Variants in VTI1A observed in about 807,000 individuals in gnomAD.
The protein encoded by VTI1A is vesicle transport through interaction with t-SNAREs 1A.
In VTI1A, 22 loss-of-function variants were observed where a neutral mutation model predicts 34.9. The observed-to-expected ratio is 0.63, with a 90% confidence interval of 0.45 to 0.90. VTI1A has a LOEUF of 0.90. Among genes scored for constraint, VTI1A ranks in the 40% least tolerant of loss-of-function variants. The pLI, the probability that VTI1A is intolerant of heterozygous loss-of-function variation, is 0.00. For synonymous variants in VTI1A, 87 were observed against 97.3 expected, an observed-to-expected ratio of 0.89 and a Z score of 0.62; for missense variants, 268 against 275.6, an observed-to-expected ratio of 0.97 and a Z score of 0.20.
the VTI1A span, among the ~76,000 whole-genome samples, chr10:112,846,340 T>C: frequency 2.0e-5 from 3 of 152,298 alleles, no homozygotes; most frequent in African/African-American, 7.2e-5. Context: ...GTGCACAAGC[T>C]GGACAGGCGG....
chr10:112,478,907 G>A lies in VTI1A; in HGVS notation c.264+14250G>A, dbSNP rs183970835. 8.3e-3 allele frequency among the ~76,000 whole-genome samples: 1,269 copies of A among 152,172 alleles called. 19 individuals carry two copies. The highest frequency in any genetic ancestry group is 0.029 in the African/African-American group (1,215 of 41,520). ...CTATTGGCCGGGCGCGGTGGTTCAC[G>A]CCTGTAATCCCAGCACTTTGGGAGG... On this transcript the variant is annotated intron_variant, in intron 3 of 7. Transcript: ENST00000393077.
At chr10:112,524,694 T>A (rs980945229) in intron 3 of VTI1A, among the ~76,000 whole-genome samples, 1 of 152,052 alleles carries the variant, frequency 6.6e-6, no homozygotes, top group African/African-American at 2.4e-5. Flanking sequence ...AAAATAAGAG[T>A]ATAATGTAAT....
intron 5 of VTI1A, among the ~76,000 whole-genome samples, chr10:112,620,798 AAAAAAG>A (rs1383962553): frequency 1.3e-5 from 2 of 151,934 alleles, no homozygotes; most frequent in East Asian, 1.9e-4. Flanking sequence ...CTCAAAAAAA[AAAAAAG>A]AAAAGAAAAG....
chr10:112,502,791 T>C (rs1271909213), intron 3 of VTI1A, among the ~76,000 whole-genome samples: 1 of 152,236 alleles, frequency 6.6e-6, no homozygotes, highest in Non-Finnish European at 1.5e-5. Flanking sequence ...ACTCTAACCC[T>C]ATATAACCCT....
chr10:112,601,476 A>G (rs1844874813), intron 5 of VTI1A, among the ~76,000 whole-genome samples: 1 of 150,562 alleles, frequency 6.6e-6, no homozygotes, highest in South Asian at 2.1e-4. Context: ...ATCTTTTGTA[A>G]ATGTGTCTGG....
chr10:112,518,651 GTA>G (rs36060655), intron 3 of VTI1A, among the ~76,000 whole-genome samples: 42,879 of 133,928 alleles, frequency 0.32, 8,510 homozygotes, highest in Non-Finnish European at 0.46. Flanking sequence ...GTATATACGT[GTA>G]TATATATATA....
chr10:112,836,524 C>T, the VTI1A span, among the ~76,000 whole-genome samples: 3 of 152,172 alleles, frequency 2.0e-5, no homozygotes, highest in Non-Finnish European at 4.4e-5. Context: ...ACTTTCCCTC[C>T]GCTACCTCAT....
chr10:112,656,904 C>T, intron 5 of VTI1A, among the ~76,000 whole-genome samples: 1 of 152,116 alleles, frequency 6.6e-6, no homozygotes, highest in East Asian at 1.9e-4. Context: ...TTAGTGCCAT[C>T]CCCTCAATGC....
intron 7 of VTI1A, among the ~76,000 whole-genome samples, chr10:112,696,776 AC>A (rs1848804706): frequency 6.6e-6 from 1 of 152,184 alleles, no homozygotes; most frequent in East Asian, 1.9e-4. Flanking sequence ...GCAGCCAGAA[AC>A]CATGCTTTTT....
intron 4 of VTI1A, among the ~76,000 whole-genome samples, chr10:112,531,111 A>G (rs543433386): frequency 0.07 from 8,465 of 121,254 alleles, 490 homozygotes; most frequent in African/African-American, 0.16. Context: ...ACACGTGCGC[A>G]CGTGCGCGCG....
intron 5 of VTI1A, among the ~76,000 whole-genome samples, chr10:112,627,004 A>T (rs1348634189): frequency 6.6e-6 from 1 of 152,234 alleles, no homozygotes; most frequent in African/African-American, 2.4e-5. Flanking sequence ...CAATTAATTA[A>T]ACTTATCTAA....
At chr10:112,508,369 G>T (rs1017806009) in intron 3 of VTI1A, among the ~76,000 whole-genome samples, 1 of 152,046 alleles carries the variant, frequency 6.6e-6, no homozygotes, top group African/African-American at 2.4e-5. Flanking sequence ...GATCTCATTG[G>T]CTTTTGGATA....
chr10:112,737,371 G>A, intron 7 of VTI1A: 2 of 1,027,902 alleles, frequency 1.9e-6, no homozygotes, highest in Non-Finnish European at 2.3e-6. Flanking sequence ...GAATTTAAAT[G>A]AGCTGTGGAT....
chr10:112,454,847 G>A (rs1286824238), intron 1 of VTI1A, among the ~76,000 whole-genome samples: 1 of 151,916 alleles, frequency 6.6e-6, no homozygotes, highest in Non-Finnish European at 1.5e-5. Context: ...TTTATTAGTT[G>A]TTGAACTTTC....
intron 5 of VTI1A, among the ~76,000 whole-genome samples, chr10:112,594,392 T>A (rs563243687): frequency 6.6e-6 from 1 of 152,130 alleles, no homozygotes; most frequent in Non-Finnish European, 1.5e-5. Context: ...ACAGACGACA[T>A]GATTGTATAT....
chr10:112,487,299 T>A (rs1465308367), intron 3 of VTI1A, among the ~76,000 whole-genome samples: 1 of 152,134 alleles, frequency 6.6e-6, no homozygotes, highest in Non-Finnish European at 1.5e-5. Flanking sequence ...CATTTTTGTA[T>A]TTTTAGTAGA....
At chr10:112,723,277 C>G (rs1849876748) in intron 7 of VTI1A, among the ~76,000 whole-genome samples, 1 of 152,308 alleles carries the variant, frequency 6.6e-6, no homozygotes, top group South Asian at 2.1e-4. Context: ...AAAAAGTGCT[C>G]TTCCCTGTAC....
the VTI1A span, among the ~76,000 whole-genome samples, chr10:112,830,851 T>TATA: frequency 5.0e-4 from 19 of 38,002 alleles, no homozygotes; most frequent in East Asian, 1.4e-3. Flanking sequence ...ATATATATAT[T>TATA]TTTTTTTTTT....
chr10:112,663,351 A>T (rs1307664637), intron 5 of VTI1A, among the ~76,000 whole-genome samples: 3 of 152,206 alleles, frequency 2.0e-5, no homozygotes, highest in African/African-American at 7.2e-5. Flanking sequence ...TACACAAAGT[A>T]CTTGTTTCTC....
Sources: allele counts gnomAD v4.1 joint callset (sites outside exome capture counted in the v4.1 genomes callset), GRCh38; gene constraint gnomAD v4.1.1; transcripts MANE v1.5; gene names NCBI Gene and HGNC (gene_info 2026-07-23, HGNC 2026-07-21).